The following GSAP variants were observed in gnomAD, a reference collection of about 807,000 sequenced individuals.
GSAP encodes the protein gamma-secretase-activating protein.
GSAP carries 118 observed loss-of-function variants against 131.7 expected under a neutral mutation model. The ratio of observed to expected loss-of-function variants is 0.90; its 90% confidence interval spans 0.77 to 1.04. The LOEUF is 1.04. Among genes scored for constraint, GSAP ranks in the 50% least tolerant of loss-of-function variants. GSAP has a pLI of 0.00. For missense variants in GSAP, 1,019 were observed against 1,013.2 expected (o/e 1.01, Z -0.08); for synonymous variants, 381 against 363.4 (o/e 1.05, Z -0.55).
At chr7:77,407,354 T>C (rs893984556) in intron 1 of GSAP, among the ~76,000 whole-genome samples, 3 of 152,224 alleles carry the variant, frequency 2.0e-5, no homozygotes, top group Admixed American at 6.5e-5. Flanking sequence ...ATATTGAAGA[T>C]ATGTTTTATA....
At chr7:77,379,087 A>G (rs962362536) in intron 8 of GSAP, among the ~76,000 whole-genome samples, 15 of 152,206 alleles carry the variant, frequency 9.9e-5, no homozygotes, top group African/African-American at 2.9e-4. Flanking sequence ...AAGATCCAAG[A>G]GGACCTGTCT....
chr7:77,381,478 C>G (rs956957058), intron 7 of GSAP, 124 bp from the exon 8 acceptor site: 2 of 509,160 alleles, frequency 3.9e-6, no homozygotes, highest in Non-Finnish European at 6.9e-6. Flanking sequence ...GCCAGAAAAA[C>G]AACACTATCA....
chr7:77,346,586 T>A (rs1199952820), intron 19 of GSAP, among the ~76,000 whole-genome samples: 1 of 151,676 alleles, frequency 6.6e-6, no homozygotes, highest in East Asian at 1.9e-4. Context: ...GACATGTACG[T>A]GTAGTCCTAG....
Position 77,321,316 on chromosome 7 carries a change from G to C in GSAP, c.1994+17C>G. ...ACTCTTTGTACACCATGATAAAAGTGAGAAATACTTGCGTACAAGTGGAGA... is the reference window on the plus strand; with the variant it reads ...ACTCTTTGTACACCATGATAAAAGTCAGAAATACTTGCGTACAAGTGGAGA... On this transcript the variant is annotated intron_variant, in intron 25 of 30. Transcript: ENST00000257626. 1 of 1,501,822 alleles carries C rather than the reference G, an allele frequency of 6.7e-7. No homozygotes were observed. Among genetic ancestry groups the C allele is most frequent in the African/African-American group, 1.4e-5 (1 of 72,824 alleles). 93.0% of individuals were successfully genotyped at this position (1,501,822 alleles called of 1,614,324 possible). A position where few individuals can be genotyped will look rare whatever the true frequency, so the allele number is the denominator to read the frequency against.
intron 23 of GSAP, among the ~76,000 whole-genome samples, chr7:77,324,496 A>T (rs1018164344): frequency 6.6e-6 from 1 of 152,160 alleles, no homozygotes; most frequent in African/African-American, 2.4e-5. Context: ...TGTACAGCTT[A>T]TATCACCCAT....
intron 1 of GSAP, among the ~76,000 whole-genome samples, chr7:77,408,648 C>G: frequency 7.3e-6 from 1 of 137,664 alleles, no homozygotes; most frequent in East Asian, 2.1e-4. Context: ...TTGCAATGAG[C>G]CGGGATTGAG....
intron 19 of GSAP, among the ~76,000 whole-genome samples, chr7:77,337,085 G>C (rs1790102566): frequency 6.6e-6 from 1 of 152,164 alleles, no homozygotes; most frequent in South Asian, 2.1e-4. Context: ...ATGGTTGTCT[G>C]TATTGTGGGG....
chr7:77,350,991 A>G (rs1285754485), intron 18 of GSAP: 8 of 363,560 alleles, frequency 2.2e-5, no homozygotes, highest in Non-Finnish European at 2.7e-5. Context: ...AAAAAAGTAG[A>G]TAAGTATATA....
At chr7:77,361,877 T>C (rs1380859249) in intron 13 of GSAP, among the ~76,000 whole-genome samples, 1 of 152,192 alleles carries the variant, frequency 6.6e-6, no homozygotes, top group Non-Finnish European at 1.5e-5. Context: ...ATGGAATAAA[T>C]GTATCTTAGA....
intron 14 of GSAP, among the ~76,000 whole-genome samples, chr7:77,356,857 T>C (rs756074255): frequency 5.9e-5 from 9 of 152,214 alleles, no homozygotes; most frequent in African/African-American, 1.2e-4. Context: ...TAGAAGGCGT[T>C]CTGTGGAAAG....
chr7:77,377,256 A>AG lies in GSAP; in HGVS notation c.681+29_681+30insC, dbSNP rs772111578. The AG allele has an allele frequency of 7.0e-6, 10 of 1,429,792 alleles. No individual in the cohort carries two copies. The Admixed American group carries it at 2.5e-4, about 35-fold the overall frequency. 88.6% of individuals were successfully genotyped at this position (1,429,792 alleles called of 1,614,324 possible). On this transcript the variant is annotated intron_variant, in intron 9 of 30. Transcript: ENST00000257626. The stretch of plus-strand genomic sequence containing the variant: ...TTTTTGTAAAAAAAAAAAAAAAAAA[A>AG]AAGGAGTGCCCGTGAACTAGTTTTT...
At chr7:77,356,710 C>G (rs559175807) in intron 14 of GSAP, among the ~76,000 whole-genome samples, 5 of 152,206 alleles carry the variant, frequency 3.3e-5, no homozygotes, top group African/African-American at 1.2e-4. Context: ...GTAGCCCTTG[C>G]CAATACTTTT....
chr7:77,329,637 A>G (rs1788794015), intron 20 of GSAP: 2 of 263,618 alleles, frequency 7.6e-6, no homozygotes, highest in Non-Finnish European at 1.4e-5. Context: ...ATGCAGCGAT[A>G]CTAGAGAGAG....
At chr7:77,353,962 AC>A (rs1428064709) in intron 16 of GSAP, among the ~76,000 whole-genome samples, 5 of 152,218 alleles carry the variant, frequency 3.3e-5, no homozygotes, top group Admixed American at 6.5e-5. Flanking sequence ...GCCGTGGGAT[AC>A]AGGAAAAAAA....
At chr7:77,415,873 CTGAGCTGAGCA>C in intron 1 of GSAP, 2 of 243,116 alleles carry the variant, frequency 8.2e-6, no homozygotes, top group South Asian at 1.5e-4. Context: ...GATGCGGCCG[CTGAGCTGAGCA>C]CGACCCTCTG....
intron 18 of GSAP, chr7:77,351,652 C>T: frequency 1.0e-6 from 1 of 985,778 alleles, no homozygotes; most frequent in Non-Finnish European, 1.2e-6. Flanking sequence ...TGATGTCACC[C>T]TGTGCGTGTC....
At chr7:77,327,457 T>C (rs10271991) in intron 22 of GSAP, 91,644 of 152,164 alleles carry the variant, frequency 0.6, 28,637 homozygotes, top group African/African-American at 0.77. Context: ...TGGTTCCTCC[T>C]GGGCTGGTCA....
intron 5 of GSAP, among the ~76,000 whole-genome samples, chr7:77,396,179 T>C (rs1800352217): frequency 6.6e-6 from 1 of 151,938 alleles, no homozygotes; most frequent in African/African-American, 2.4e-5. Context: ...ACCCTACTAC[T>C]AGTCCCTATA....
At chr7:77,343,112 G>A (rs1485800366) in intron 19 of GSAP, among the ~76,000 whole-genome samples, 1 of 152,186 alleles carries the variant, frequency 6.6e-6, no homozygotes, top group East Asian at 1.9e-4. Flanking sequence ...ACCGTGTTCT[G>A]CAGCCTTTCT....
Sources: gnomAD v4.1 joint callset for allele counts (sites outside exome capture counted in the v4.1 genomes callset) on GRCh38, gnomAD v4.1.1 for gene constraint, MANE v1.5 for transcripts, NCBI Gene and HGNC (gene_info 2026-07-23, HGNC 2026-07-21) for gene names.